The following CHST9 variants were observed in gnomAD, a reference collection of about 807,000 sequenced individuals.
CHST9 encodes carbohydrate sulfotransferase 9.
A neutral mutation model predicts 44.4 loss-of-function variants in CHST9; 41 were observed. The ratio of observed to expected loss-of-function variants is 0.92; its 90% CI spans 0.72 to 1.20. The LOEUF is 1.20. Ranked by LOEUF, CHST9 falls within the 50% of genes most tolerant of loss-of-function variation. The pLI, the probability that CHST9 is intolerant of heterozygous loss-of-function variation, is 0.00. For synonymous variants in CHST9, 171 were observed against 178.4 expected, an observed-to-expected ratio of 0.96 and a Z score of 0.33; for missense variants, 504 against 516.5, an observed-to-expected ratio of 0.98 and a Z score of 0.23.
rs2058725761 is a variant in CHST9 at position 27,159,310 on chromosome 18, T to G, written c.-96-16405A>C. Among the ~76,000 whole-genome samples the G allele has an allele frequency of 2.6e-5, 4 of 152,340 alleles. No individual in the cohort carries two copies. In the South Asian group the frequency reaches 8.3e-4, roughly 32 times the overall value. Reference sequence around the variant, plus strand: ...ATAAGGTATAAGGAAGGGATCCAGTTTCAGCTTTCTACATGTGGCTAGCTA... The same window carrying G: ...ATAAGGTATAAGGAAGGGATCCAGTGTCAGCTTTCTACATGTGGCTAGCTA... On this transcript the variant is annotated intron_variant, in intron 1 of 5. Coordinates refer to ENST00000618847, the MANE Select transcript of CHST9 (RefSeq NM_031422.6).
chr18:27,002,752 G>C lies in CHST9; in HGVS notation c.202+21364C>G, dbSNP rs1025667052. The stretch of plus-strand genomic sequence containing the variant: ...TATAATAAGATGAGGAGCATCTGTG[G>C]ATTACAGTTCACAGAAAAGCAAATA... On this transcript the variant is annotated intron_variant, in intron 4 of 5. Transcript: ENST00000618847. 3.9e-5 allele frequency among the ~76,000 whole-genome samples: 6 copies of C among 152,120 alleles called. No homozygotes were observed. The East Asian group carries it at 1.2e-3, about 29-fold the overall frequency.
At position 27,126,254 on chromosome 18, in the gene CHST9, G is replaced by T. The variant is rs1464527384; in HGVS notation, c.121+16435C>A. Among the ~76,000 whole-genome samples the T allele has an allele frequency of 2.6e-5, 4 of 152,278 alleles. No homozygotes were observed. In the East Asian group the frequency reaches 7.7e-4, roughly 29 times the overall value. On this transcript the variant is annotated intron_variant, in intron 2 of 5. Transcript: ENST00000618847. ...GCATACACCTGTATTTAGCTTCCAA[G>T]ATTTCTAACTTGATATTTTCAAATT...
chr18:26,953,643 G>A (rs1420193272), intron 4 of CHST9, among the ~76,000 whole-genome samples: 1 of 151,996 alleles, frequency 6.6e-6, no homozygotes, highest in African/African-American at 2.4e-5. Context: ...ATGAATACAG[G>A]GAATAAAGAT....
chr18:27,072,508 G>C (rs557604785), intron 2 of CHST9, among the ~76,000 whole-genome samples: 1 of 152,180 alleles, frequency 6.6e-6, no homozygotes, highest in East Asian at 1.9e-4. Flanking sequence ...GGGGACATAG[G>C]ATGTGCCAGA....
At chr18:27,041,908 G>A (rs1032681930) in intron 3 of CHST9, among the ~76,000 whole-genome samples, 4 of 152,118 alleles carry the variant, frequency 2.6e-5, no homozygotes, top group African/African-American at 9.7e-5. Context: ...GCATCTAAGA[G>A]ACTTCATTTC....
chr18:27,120,791 T>C (rs9955608), intron 2 of CHST9, among the ~76,000 whole-genome samples: 1,610 of 152,276 alleles, frequency 0.011, 24 homozygotes, highest in African/African-American at 0.034. Context: ...GTAACATATT[T>C]GGATGGGAAA....
At chr18:27,026,211 A>T (rs2057283580) in intron 3 of CHST9, among the ~76,000 whole-genome samples, 1 of 152,190 alleles carries the variant, frequency 6.6e-6, no homozygotes, top group Admixed American at 6.5e-5. Context: ...CAATGAGAGT[A>T]CACTCAGGTA....
intron 4 of CHST9, among the ~76,000 whole-genome samples, chr18:26,960,506 G>A (rs2056385707): frequency 6.6e-6 from 1 of 152,168 alleles, no homozygotes; most frequent in Admixed American, 6.5e-5. Flanking sequence ...AGAAAATTAG[G>A]CTGATTTCCT....
rs369039608 is a variant in CHST9 at position 27,041,946 on chromosome 18, C to T, written c.160+6519G>A. The stretch of plus-strand genomic sequence containing the variant: ...TCAATAATAAATATTGTTCCGAAAC[C>T]ATAAACCCAGAGAAAATTGGTTGCT... On this transcript the variant is annotated intron_variant, in intron 3 of 5. Coordinates refer to ENST00000618847, the MANE Select transcript of CHST9 (RefSeq NM_031422.6). Among the ~76,000 whole-genome samples the T allele has an allele frequency of 1.1e-4, 16 of 152,118 alleles. 1 individual carries two copies. The East Asian group carries it at 2.9e-3, about 28-fold the overall frequency.
At chr18:27,068,694 G>A (rs1201224691) in intron 2 of CHST9, among the ~76,000 whole-genome samples, 6 of 152,118 alleles carry the variant, frequency 3.9e-5, no homozygotes, top group Non-Finnish European at 8.8e-5. Context: ...GAAGTCAGAG[G>A]TTCAAGTTTC....
At chr18:27,043,947 G>A (rs2057471860) in intron 3 of CHST9, among the ~76,000 whole-genome samples, 3 of 151,878 alleles carry the variant, frequency 2.0e-5, no homozygotes, top group Admixed American at 2.0e-4. Context: ...CCCTCAATAG[G>A]CCATGCCTTT....
intron 1 of CHST9, among the ~76,000 whole-genome samples, chr18:27,157,465 C>G (rs1029895702): frequency 6.6e-6 from 1 of 152,158 alleles, no homozygotes; most frequent in Admixed American, 6.6e-5. Context: ...TCTTATCTCT[C>G]GTTTCACATT....
intron 3 of CHST9, among the ~76,000 whole-genome samples, chr18:27,038,425 A>C (rs553531111): frequency 6.6e-6 from 1 of 152,128 alleles, no homozygotes; most frequent in Non-Finnish European, 1.5e-5. Flanking sequence ...ATGCGCCTGT[A>C]ATCCCAGCTG....
chr18:27,141,742 T>TAAA (rs35595422), intron 2 of CHST9, among the ~76,000 whole-genome samples: 2 of 122,042 alleles, frequency 1.6e-5, no homozygotes, highest in African/African-American at 3.2e-5. Context: ...TAGAATAACT[T>TAAA]AAAAAAAAAA....
chr18:27,151,317 G>A (rs569820566), intron 1 of CHST9, among the ~76,000 whole-genome samples: 13 of 152,132 alleles, frequency 8.5e-5, no homozygotes, highest in African/African-American at 3.1e-4. Flanking sequence ...GACTTACATA[G>A]ATGTTGTAAA....
chr18:27,131,529 C>T (rs528522365), intron 2 of CHST9, among the ~76,000 whole-genome samples: 9 of 152,096 alleles, frequency 5.9e-5, no homozygotes, highest in South Asian at 2.1e-4. Context: ...CCAGCCTGGG[C>T]GACACGAGCA....
At chr18:26,967,454 C>T (rs1476551324) in intron 4 of CHST9, among the ~76,000 whole-genome samples, 1 of 151,948 alleles carries the variant, frequency 6.6e-6, no homozygotes, top group East Asian at 1.9e-4. Context: ...TTTTGTTGGT[C>T]CCTATAGATC....
intron 4 of CHST9, among the ~76,000 whole-genome samples, chr18:27,002,010 A>T (rs1263956085): frequency 6.6e-6 from 1 of 152,040 alleles, no homozygotes; most frequent in Non-Finnish European, 1.5e-5. Flanking sequence ...CAGAAAGACA[A>T]TTTTTTAAAG....
intron 2 of CHST9, among the ~76,000 whole-genome samples, chr18:27,128,236 C>T (rs2058441833): frequency 6.6e-6 from 1 of 152,104 alleles, no homozygotes; most frequent in African/African-American, 2.4e-5. Flanking sequence ...CCGAGCAAAA[C>T]ACACCCACAA....
Sources: allele counts gnomAD v4.1 joint callset (sites outside exome capture counted in the v4.1 genomes callset), GRCh38; gene constraint gnomAD v4.1.1; transcripts MANE v1.5; gene names NCBI Gene and HGNC (gene_info 2026-07-23, HGNC 2026-07-21).